Variants in CACNA2D3 observed in about 807,000 individuals in gnomAD.
CACNA2D3 encodes the protein calcium voltage-gated channel auxiliary subunit alpha2delta 3.
Under a neutral mutation model 160.6 loss-of-function variants are expected in CACNA2D3, and 60 were observed. The ratio of observed to expected loss-of-function variants is 0.37; its 90% CI spans 0.30 to 0.46. CACNA2D3 has a LOEUF of 0.46. Among genes scored for constraint, CACNA2D3 ranks in the 20% least tolerant of loss-of-function variants. CACNA2D3 has a pLI of 1.00. For synonymous variants in CACNA2D3, 558 were observed against 492.9 expected (o/e 1.13, Z -1.75); for missense variants, 1,205 against 1,365.0 (o/e 0.88, Z 1.85).
chr3:54,257,212 T>A (rs550749908), intron 2 of CACNA2D3, among the ~76,000 whole-genome samples: 72 of 152,232 alleles, frequency 4.7e-4, no homozygotes, highest in Non-Finnish European at 9.6e-4. Context: ...ATTACTCTTA[T>A]TGATGGATTG....
Position 54,388,925 on chromosome 3 carries a change from C to T in CACNA2D3, c.381+2151C>T, listed in dbSNP as rs564307772. ...CTGATTTTAAGTGACAGAAACTCAACTCATATCAACTTAGCTTGTAACAAT... is the reference window on the plus strand; with the variant it reads ...CTGATTTTAAGTGACAGAAACTCAATTCATATCAACTTAGCTTGTAACAAT... On this transcript the variant is annotated intron_variant, in intron 4 of 37. Coordinates refer to ENST00000474759, the MANE Select transcript of CACNA2D3 (RefSeq NM_018398.3). Among the ~76,000 whole-genome samples, 90 of 152,320 alleles carry T rather than the reference C, an allele frequency of 5.9e-4. 1 individual carries two copies. The highest frequency in any genetic ancestry group is 2.2e-3 in the Admixed American group (33 of 15,300).
intron 10 of CACNA2D3, among the ~76,000 whole-genome samples, chr3:54,635,609 C>T (rs949089443): frequency 1.2e-4 from 18 of 151,920 alleles, no homozygotes; most frequent in Admixed American, 2.6e-4. Context: ...TGTAGCATTC[C>T]GAGGACAGGC....
rs1699525503 is a variant in CACNA2D3 at position 54,123,679 on chromosome 3, C to T, written c.204+85C>T. The T allele has an allele frequency of 2.7e-6, 3 of 1,109,486 alleles. No homozygotes were observed. The South Asian group carries it at 3.7e-5, about 14-fold the overall frequency. The allele number at this position is 1,109,486 out of a possible 1,614,324, so 68.7% of individuals were successfully genotyped here. A position where few individuals can be genotyped will look rare whatever the true frequency, so the allele number is the denominator to read the frequency against. On this transcript the variant is annotated intron_variant, in intron 2 of 37. Coordinates refer to ENST00000474759, the MANE Select transcript of CACNA2D3 (RefSeq NM_018398.3). Reference sequence around the variant, plus strand: ...TTTAGTTTTCCAAACAAACGTGAGCCCCGAGCAGCATCAGTTATCGGAGGA... The same window carrying T: ...TTTAGTTTTCCAAACAAACGTGAGCTCCGAGCAGCATCAGTTATCGGAGGA...
At chr3:54,588,994 A>G (rs1209296084) in intron 9 of CACNA2D3, among the ~76,000 whole-genome samples, 2 of 151,992 alleles carry the variant, frequency 1.3e-5, no homozygotes, top group African/African-American at 2.4e-5. Context: ...TACAATTCCT[A>G]TAGAAATATC....
At chr3:54,627,954 T>C (rs1699158461) in intron 10 of CACNA2D3, 78 bp downstream of exon 10, 6 of 978,090 alleles carry the variant, frequency 6.1e-6, no homozygotes, top group East Asian at 5.2e-5. Context: ...TGGGCCAGGC[T>C]GGGCGCTGTG....
chr3:55,019,752 G>C (rs1014552317), intron 35 of CACNA2D3, among the ~76,000 whole-genome samples: 2 of 151,982 alleles, frequency 1.3e-5, no homozygotes, highest in East Asian at 3.8e-4. Flanking sequence ...TTTCTGTTTT[G>C]TTGCACTATA....
intron 2 of CACNA2D3, among the ~76,000 whole-genome samples, chr3:54,281,994 G>A (rs1702892404): frequency 6.6e-6 from 1 of 152,170 alleles, no homozygotes; most frequent in Non-Finnish European, 1.5e-5. Context: ...ATAGTTTATT[G>A]CTTAAGTGGT....
intron 4 of CACNA2D3, among the ~76,000 whole-genome samples, chr3:54,483,419 A>T (rs900634405): frequency 7.9e-5 from 12 of 152,116 alleles, no homozygotes; most frequent in Admixed American, 7.9e-4. Context: ...TAGAAGGTTA[A>T]CCTCCATTGA....
chr3:54,987,255 A>C (rs572298300), intron 30 of CACNA2D3, among the ~76,000 whole-genome samples: 13 of 152,286 alleles, frequency 8.5e-5, no homozygotes, highest in African/African-American at 3.1e-4. Flanking sequence ...TATTTCCCTA[A>C]ACAGGTCGTC....
rs1699483450 is a variant in CACNA2D3, at chr3:54,402,344, A to G, written c.381+15570A>G. Among the ~76,000 whole-genome samples the G allele has an allele frequency of 2.0e-5, 3 of 152,222 alleles. No individual in the cohort carries two copies. The South Asian group carries it at 6.2e-4, about 32-fold the overall frequency. On this transcript the variant is annotated intron_variant, in intron 4 of 37. Coordinates refer to ENST00000474759, the MANE Select transcript of CACNA2D3 (RefSeq NM_018398.3). ...CAACCAAAAGACATAGAGTGGCTAA[A>G]TTGATTAAAAAAACAAGGTCCAACT...
At chr3:54,410,533 G>C (rs1386541341) in intron 4 of CACNA2D3, among the ~76,000 whole-genome samples, 1 of 152,152 alleles carries the variant, frequency 6.6e-6, no homozygotes, top group Non-Finnish European at 1.5e-5. Context: ...TACCATACGT[G>C]TGCTCTATAA....
intron 17 of CACNA2D3, among the ~76,000 whole-genome samples, chr3:54,856,710 A>T (rs1278009085): frequency 6.6e-6 from 1 of 152,226 alleles, no homozygotes; most frequent in East Asian, 1.9e-4. Flanking sequence ...GAAAACAAAA[A>T]GTCGGGAGAG....
At chr3:54,512,816 T>A (rs149477725) in intron 5 of CACNA2D3, among the ~76,000 whole-genome samples, 57 of 152,350 alleles carry the variant, frequency 3.7e-4, no homozygotes, top group African/African-American at 1.2e-3. Context: ...TTCATACTGC[T>A]GATAAAGACA....
intron 5 of CACNA2D3, among the ~76,000 whole-genome samples, chr3:54,547,366 C>A (rs1407464227): frequency 6.6e-6 from 1 of 152,142 alleles, no homozygotes; most frequent in Non-Finnish European, 1.5e-5. Context: ...GCACCATGTC[C>A]ATCAAAACCA....
At chr3:54,421,657 G>T (rs560221039) in intron 4 of CACNA2D3, among the ~76,000 whole-genome samples, 1 of 152,220 alleles carries the variant, frequency 6.6e-6, no homozygotes, top group East Asian at 1.9e-4. Flanking sequence ...GCTTTTTCTG[G>T]GAGAGGTAAC....
chr3:54,170,218 T>C lies in CACNA2D3; in HGVS notation c.204+46624T>C, dbSNP rs373814997. 1.0e-4 allele frequency among the ~76,000 whole-genome samples: 14 copies of C among 134,002 alleles called. 1 individual carries two copies. Among genetic ancestry groups the C allele is most frequent in the African/African-American group, 4.0e-4 (14 of 35,222 alleles). 87.9% of individuals were successfully genotyped at this position (134,002 alleles called of 152,430 possible). A position where few individuals can be genotyped will look rare whatever the true frequency, so the allele number is the denominator to read the frequency against. On this transcript the variant is annotated intron_variant, in intron 2 of 37. Coordinates refer to ENST00000474759, the MANE Select transcript of CACNA2D3 (RefSeq NM_018398.3). ...AAAAAAAAAAAAAAAAGTGAGGGGG[T>C]AAGGATGGCCTGGGAGTAGGCCATT...
intron 5 of CACNA2D3, among the ~76,000 whole-genome samples, chr3:54,560,047 T>G (rs1702301130): frequency 6.6e-6 from 1 of 152,228 alleles, no homozygotes; most frequent in Non-Finnish European, 1.5e-5. Flanking sequence ...ACTGAACATA[T>G]GCATGGGTGT....
Position 55,074,162 on chromosome 3 carries a change from GTCC to G in CACNA2D3, c.3237_3239del (p.Leu1082del), listed in dbSNP as rs768028381. The stretch of plus-strand genomic sequence containing the variant: ...TGCGCCGAGTCTCCAAGCCCAGACA[GTCC>G]TCCTTCTGCTCCCTCTGCTTTTGAT... On this transcript the variant is annotated inframe_deletion, in exon 38 of 38. Transcript: ENST00000474759. 1 of 1,613,836 alleles carries G rather than the reference GTCC, an allele frequency of 6.2e-7. No homozygotes were observed. The highest frequency in any genetic ancestry group is 1.7e-5 in the Admixed American group (1 of 60,016).
chr3:54,640,956 A>G (rs933315985), intron 10 of CACNA2D3, among the ~76,000 whole-genome samples: 12 of 152,106 alleles, frequency 7.9e-5, no homozygotes, highest in African/African-American at 2.9e-4. Flanking sequence ...CCTGAAGGTA[A>G]GAGAGGTTGT....
Sources: allele counts gnomAD v4.1 joint callset (sites outside exome capture counted in the v4.1 genomes callset), GRCh38; gene constraint gnomAD v4.1.1; transcripts MANE v1.5; gene names NCBI Gene and HGNC (gene_info 2026-07-23, HGNC 2026-07-21).